Variants in PTGIS observed in about 807,000 individuals in gnomAD.
The protein encoded by PTGIS is prostacyclin synthase.
In PTGIS, 45 loss-of-function variants were observed where a neutral mutation model predicts 50.3. That is an observed-to-expected ratio of 0.90 (90% CI 0.70 to 1.15). The LOEUF (loss-of-function observed/expected upper bound fraction) is 1.15, where lower values mean the gene tolerates loss of function less well. PTGIS is among the 50% of genes most tolerant of loss of function. The pLI is 0.00. For missense variants in PTGIS, 668 were observed against 661.3 expected (o/e 1.01, Z -0.11); for synonymous variants, 260 against 267.7 (o/e 0.97, Z 0.28).
chr20:49,532,794 C>T (rs536265255), intron 5 of PTGIS, among the ~76,000 whole-genome samples: 12 of 152,204 alleles, frequency 7.9e-5, no homozygotes, highest in Non-Finnish European at 1.6e-4. Context: ...AGTCACTTTG[C>T]ATCTCTGAGC....
intron 6 of PTGIS, among the ~76,000 whole-genome samples, chr20:49,520,405 C>T (rs541488106): frequency 2.6e-5 from 4 of 151,624 alleles, no homozygotes; most frequent in South Asian, 2.1e-4. Context: ...GCCATCTCGG[C>T]TCACTGCAAC....
At chr20:49,545,515 G>A (rs1459169107) in intron 3 of PTGIS, among the ~76,000 whole-genome samples, 1 of 152,158 alleles carries the variant, frequency 6.6e-6, no homozygotes, top group African/African-American at 2.4e-5. Flanking sequence ...CCCATCGTGT[G>A]GACCTGCACA....
Position 49,535,645 on chromosome 20 carries a change from G to A in PTGIS, c.673+3925C>T, listed in dbSNP as rs539797447. ...TCCTCCCACCTCAGCCTCCCAAGTA[G>A]GTGGGATTACAGGCGCTTGCCGCCA... is the stretch of plus-strand genomic sequence containing the variant. On this transcript the variant is annotated intron_variant, in intron 5 of 9. Coordinates refer to ENST00000244043, the MANE Select transcript of PTGIS (RefSeq NM_000961.4). Among the ~76,000 whole-genome samples, 5 of 152,296 alleles carry A rather than the reference G, an allele frequency of 3.3e-5. No individual in the cohort carries two copies. The South Asian group carries it at 1.0e-3, about 32-fold the overall frequency.
rs1981524712 is a variant in PTGIS, at chr20:49,517,727, T to C, written c.856-3332A>G. Among the ~76,000 whole-genome samples the C allele has an allele frequency of 7.2e-5, 11 of 152,328 alleles. No homozygotes were observed. In the South Asian group the frequency reaches 2.1e-3, roughly 29 times the overall value. Reference sequence around the variant, plus strand: ...CCTTGGTGATTCACATGCTCCTTCTTGTTGCCTCCTGACAACATGGCCCAT... The same window carrying C: ...CCTTGGTGATTCACATGCTCCTTCTCGTTGCCTCCTGACAACATGGCCCAT... On this transcript the variant is annotated intron_variant, in intron 6 of 9. Coordinates refer to ENST00000244043, the MANE Select transcript of PTGIS (RefSeq NM_000961.4).
chr20:49,546,062 G>A (rs548897351), intron 3 of PTGIS, among the ~76,000 whole-genome samples: 13 of 152,194 alleles, frequency 8.5e-5, no homozygotes, highest in South Asian at 8.3e-4. Context: ...GGTTCCGCAC[G>A]GTGCCTGGCA....
intron 5 of PTGIS, among the ~76,000 whole-genome samples, chr20:49,525,243 A>G (rs1028956753): frequency 6.6e-6 from 1 of 152,276 alleles, no homozygotes; most frequent in Non-Finnish European, 1.5e-5. Flanking sequence ...GAAACACCCC[A>G]GCATGGCCAG....
chr20:49,560,414 T>C (rs768113423), intron 1 of PTGIS, among the ~76,000 whole-genome samples: 21 of 150,216 alleles, frequency 1.4e-4, no homozygotes, highest in Non-Finnish European at 3.0e-4. Flanking sequence ...ATGTGTTGCC[T>C]AGGTTGATCT....
intron 1 of PTGIS, among the ~76,000 whole-genome samples, chr20:49,567,113 G>A (rs908854334): frequency 2.0e-5 from 3 of 152,200 alleles, no homozygotes; most frequent in African/African-American, 7.2e-5. Flanking sequence ...GACTTCAGGG[G>A]CTGGGGGAGG....
chr20:49,567,234 G>A (rs1982922177), intron 1 of PTGIS, among the ~76,000 whole-genome samples: 1 of 152,164 alleles, frequency 6.6e-6, no homozygotes, highest in South Asian at 2.1e-4. Context: ...TTTATGAAAA[G>A]GAGAGCTACA....
chr20:49,549,527 A>G (rs1982450928), intron 2 of PTGIS, among the ~76,000 whole-genome samples: 1 of 152,228 alleles, frequency 6.6e-6, no homozygotes, highest in Admixed American at 6.5e-5. Flanking sequence ...AAGTTGGATG[A>G]ACATTGGATC....
chr20:49,524,663 G>A (rs1034890080), intron 5 of PTGIS, among the ~76,000 whole-genome samples: 4 of 152,098 alleles, frequency 2.6e-5, no homozygotes, highest in Non-Finnish European at 4.4e-5. Flanking sequence ...AGTTCCATGT[G>A]GCTGGGGAGG....
rs370388185 is a variant in PTGIS at position 49,520,485 on chromosome 20, G to A, written c.855+3573C>T. ...AGTAGCTGGGATTACGGGCCTGTGC[G>A]ACCATGCCTGGCTAATTTTTGTATT... On this transcript the variant is annotated intron_variant, in intron 6 of 9. Transcript: ENST00000244043. Among the ~76,000 whole-genome samples the A allele has an allele frequency of 1.1e-4, 17 of 151,822 alleles. No homozygotes were observed. In the East Asian group the frequency reaches 1.7e-3, roughly 16 times the overall value.
At chr20:49,537,279 T>A (rs976396642) in intron 5 of PTGIS, among the ~76,000 whole-genome samples, 4 of 152,166 alleles carry the variant, frequency 2.6e-5, no homozygotes, top group African/African-American at 9.7e-5. Flanking sequence ...GCCCAGTGGT[T>A]CCTACGGCCC....
intron 1 of PTGIS, among the ~76,000 whole-genome samples, chr20:49,562,296 C>T (rs111793493): frequency 0.017 from 2,625 of 152,338 alleles, 39 homozygotes; most frequent in Middle Eastern, 0.041. Flanking sequence ...AGGCTTTCTT[C>T]CCCTGCCTTT....
Position 49,511,080 on chromosome 20 carries a change from C to A in PTGIS, c.1306G>T (p.Ala436Ser), listed in dbSNP as rs1295121540. 11 of 1,613,862 alleles carry A rather than the reference C, an allele frequency of 6.8e-6. No individual in the cohort carries two copies. The South Asian group carries it at 9.9e-5, about 14-fold the overall frequency. ...RLKNYNMPWG[A>S]GHNHCLGRSY... is the part of the protein sequence containing the mutation. ...CTCCCCAGGCAGTGATTGTGCCCCGCCCCCCAGGGCATGTTGTAATTCTTC... is the reference window on the plus strand; with the variant it reads ...CTCCCCAGGCAGTGATTGTGCCCCGACCCCCAGGGCATGTTGTAATTCTTC... The change falls in exon 9 of 10, where the codon GCG (alanine) becomes TCG (serine). Residue 436 changes from alanine (A) to serine (S), a missense_variant. Ala to Ser is a moderately conservative substitution (Grantham distance 99). Coordinates refer to ENST00000244043, the MANE Select transcript of PTGIS (RefSeq NM_000961.4).
chr20:49,530,043 A>G (rs1449061805), intron 5 of PTGIS, among the ~76,000 whole-genome samples: 2 of 151,778 alleles, frequency 1.3e-5, no homozygotes, highest in African/African-American at 4.8e-5. Context: ...AATCCCAGCT[A>G]CTCAGGAGGC....
intron 3 of PTGIS, among the ~76,000 whole-genome samples, chr20:49,545,405 G>T (rs1041983239): frequency 1.3e-5 from 2 of 151,448 alleles, no homozygotes; most frequent in African/African-American, 4.9e-5. Flanking sequence ...AGGCAACAGA[G>T]TGAGACTCTG....
At chr20:49,560,050 A>G (rs1414224327) in intron 1 of PTGIS, among the ~76,000 whole-genome samples, 2 of 151,676 alleles carry the variant, frequency 1.3e-5, no homozygotes, top group Non-Finnish European at 2.9e-5. Flanking sequence ...CAGCCTGCCG[A>G]GTAGCTGGGA....
In PTGIS at chr20:49,544,359, C is replaced by T; in HGVS notation, c.467G>A (p.Gly156Asp). 6.2e-6 allele frequency: 10 copies of T among 1,614,182 alleles called. No homozygotes were observed. Among genetic ancestry groups the T allele is most frequent in the Non-Finnish European group, 8.5e-6 (10 of 1,180,036 alleles). The change falls in exon 4 of 10, where the codon GGC (glycine) becomes GAC (aspartate). Residue 156 changes from glycine (G) to aspartate (D), a missense_variant. Physicochemically the swap from Gly to Asp is moderately conservative, Grantham distance 94. Transcript: ENST00000244043. ...GAGACCCATCTCGTGCCAGCCACTG[C>T]CTGCTTCTGTAGCATCGCCCAACAG... ...AVLLGDATEA[G>D]SGWHEMGLLD...
Sources: gnomAD v4.1 joint callset for allele counts (sites outside exome capture counted in the v4.1 genomes callset) on GRCh38, gnomAD v4.1.1 for gene constraint, MANE v1.5 for transcripts, NCBI Gene and HGNC (gene_info 2026-07-23, HGNC 2026-07-21) for gene names.